LRFN2: variants seen among roughly 807,000 people sequenced by gnomAD.
LRFN2 encodes the protein leucine-rich repeat and fibronectin type-III domain-containing protein 2.
LRFN2 carries 18 observed loss-of-function variants against 37.3 expected under a neutral mutation model. That is an observed-to-expected ratio of 0.48 (90% confidence interval 0.33 to 0.72). The LOEUF (loss-of-function observed/expected upper bound fraction) is 0.72, where lower values mean the gene tolerates loss of function less well. Among genes scored for constraint, LRFN2 ranks in the 30% least tolerant of loss-of-function variants. The probability of loss-of-function intolerance (pLI) is 0.02; values close to 1 mark genes in which losing one functional copy is unlikely to be tolerated. For missense variants in LRFN2, 1,006 were observed against 1,060.7 expected (o/e 0.95, Z 0.72); for synonymous variants, 556 against 466.6 (o/e 1.19, Z -2.47).
At chr6:40,562,829 ACTCACT>A (rs1428823370) in intron 1 of LRFN2, among the ~76,000 whole-genome samples, 6 of 143,226 alleles carry the variant, frequency 4.2e-5, no homozygotes, top group African/African-American at 1.4e-4. Flanking sequence ...ATGTGCGTGC[ACTCACT>A]CACACACACA....
intron 1 of LRFN2, among the ~76,000 whole-genome samples, chr6:40,512,214 T>A (rs141437974): frequency 6.6e-6 from 1 of 152,322 alleles, no homozygotes; most frequent in African/African-American, 2.4e-5. Context: ...TGTTCTTTCC[T>A]GAAAGACCCA....
chr6:40,577,583 C>A, intron 1 of LRFN2, among the ~76,000 whole-genome samples: 1 of 96,146 alleles, frequency 1.0e-5, no homozygotes, highest in Non-Finnish European at 2.1e-5. Context: ...TCCCTCTCCC[C>A]TCCCCCCACC....
At chr6:40,506,255 C>A (rs1178861829) in intron 1 of LRFN2, among the ~76,000 whole-genome samples, 1 of 152,184 alleles carries the variant, frequency 6.6e-6, no homozygotes, top group Admixed American at 6.5e-5. Flanking sequence ...TGGAACCTGG[C>A]AGTCCCACCA....
At position 40,431,899 on chromosome 6, in the gene LRFN2, G is replaced by A; in HGVS notation, c.1215C>T (p.Thr405=). The change falls in exon 2 of 3, where the codon ACC becomes ACT. Residue 405 remains threonine, a synonymous_variant. Coordinates refer to ENST00000338305, the MANE Select transcript of LRFN2 (RefSeq NM_020737.3). ...CCCCACTGCCTCCACCTCCCCGGCTGGTCTTGCTGGAGCCAGTGATGTCTG... is the reference window on the plus strand; with the variant it reads ...CCCCACTGCCTCCACCTCCCCGGCTAGTCTTGCTGGAGCCAGTGATGTCTG... ...RLSDITGSSK[T]SRGGGGSGGG... is the part of the protein sequence containing the mutation. The A allele has an allele frequency of 3.7e-6, 6 of 1,611,432 alleles. No individual in the cohort carries two copies. The highest frequency in any genetic ancestry group is 5.1e-6 in the Non-Finnish European group (6 of 1,178,276).
At chr6:40,524,221 A>T (rs1255120000) in intron 1 of LRFN2, among the ~76,000 whole-genome samples, 1 of 152,192 alleles carries the variant, frequency 6.6e-6, no homozygotes, top group Non-Finnish European at 1.5e-5. Context: ...AACAAAACAC[A>T]TGCAGATTTT....
intron 1 of LRFN2, among the ~76,000 whole-genome samples, chr6:40,564,354 T>G (rs1767051775): frequency 6.6e-6 from 1 of 152,196 alleles, no homozygotes; most frequent in African/African-American, 2.4e-5. Context: ...GCTTTTCTGC[T>G]TCAGCACCTG....
At chr6:40,556,716 G>GACACACACACACACACACACACAC (rs35308131) in intron 1 of LRFN2, among the ~76,000 whole-genome samples, 1 of 120,862 alleles carries the variant, frequency 8.3e-6, no homozygotes. Flanking sequence ...TACCTACATA[G>GACACACACACACACACACACACAC]ACACACACAC....
chr6:40,533,335 T>G (rs1192774034), intron 1 of LRFN2, among the ~76,000 whole-genome samples: 2 of 151,688 alleles, frequency 1.3e-5, no homozygotes, highest in Admixed American at 1.3e-4. Context: ...AAAAAGTATA[T>G]GAGTGGGATG....
intron 1 of LRFN2, among the ~76,000 whole-genome samples, chr6:40,520,859 G>A (rs546213684): frequency 7.5e-4 from 114 of 152,238 alleles, no homozygotes; most frequent in African/African-American, 2.5e-3. Flanking sequence ...TATCACCACC[G>A]AGCACCCTCA....
chr6:40,393,916 G>A (rs1231760969), intron 2 of LRFN2, among the ~76,000 whole-genome samples: 1 of 152,198 alleles, frequency 6.6e-6, no homozygotes, highest in African/African-American at 2.4e-5. Flanking sequence ...CTAAGCAGAA[G>A]AGGACTGGAT....
chr6:40,536,127 C>T (rs1226112480), intron 1 of LRFN2, among the ~76,000 whole-genome samples: 3 of 152,136 alleles, frequency 2.0e-5, no homozygotes, highest in East Asian at 1.9e-4. Context: ...CCCGGAAAGG[C>T]TCAGAGGCTC....
chr6:40,399,812 C>A (rs1184016597), intron 2 of LRFN2, among the ~76,000 whole-genome samples: 1 of 151,816 alleles, frequency 6.6e-6, no homozygotes, highest in East Asian at 1.9e-4. Flanking sequence ...AGGAGATAAC[C>A]CTTACATTGT....
At chr6:40,544,460 T>C (rs7750391) in intron 1 of LRFN2, among the ~76,000 whole-genome samples, 3,193 of 152,308 alleles carry the variant, frequency 0.021, 87 homozygotes, top group African/African-American at 0.07. Context: ...TAAACAGCCA[T>C]GTGTGTGCCT....
chr6:40,521,412 A>G (rs1202452720), intron 1 of LRFN2, among the ~76,000 whole-genome samples: 1 of 152,206 alleles, frequency 6.6e-6, no homozygotes, highest in Non-Finnish European at 1.5e-5. Flanking sequence ...GACAATTTGA[A>G]ACAAAATGTG....
In LRFN2 at chr6:40,495,555, A is replaced by T. The variant is rs112968063; in HGVS notation, c.-18-62424T>A. 5.7e-3 allele frequency among the ~76,000 whole-genome samples: 867 copies of T among 152,178 alleles called. 8 individuals are homozygous for T. The highest frequency in any genetic ancestry group is 0.027 in the Middle Eastern group (8 of 294). The stretch of plus-strand genomic sequence containing the variant: ...TTCTCAAAGCCAAGTTTCAGTCCTC[A>T]TCTTGTCCACTCTCCTCATGGCCAT... On this transcript the variant is annotated intron_variant, in intron 1 of 2. Coordinates refer to ENST00000338305, the MANE Select transcript of LRFN2 (RefSeq NM_020737.3).
At chr6:40,547,796 T>A (rs940920551) in intron 1 of LRFN2, among the ~76,000 whole-genome samples, 5 of 152,172 alleles carry the variant, frequency 3.3e-5, no homozygotes, top group Non-Finnish European at 7.3e-5. Context: ...TCACATATTC[T>A]CTGGGGTCCA....
chr6:40,566,756 A>C (rs10456494), intron 1 of LRFN2, among the ~76,000 whole-genome samples: 1 of 150,584 alleles, frequency 6.6e-6, no homozygotes, highest in Non-Finnish European at 1.5e-5. Context: ...AGAGGGGAGG[A>C]ATAGCATTAG....
At chr6:40,475,361 G>T (rs1250825649) in intron 1 of LRFN2, among the ~76,000 whole-genome samples, 2 of 152,118 alleles carry the variant, frequency 1.3e-5, no homozygotes, top group Non-Finnish European at 2.9e-5. Flanking sequence ...GGCTTGGGAG[G>T]GATTCCACTC....
intron 1 of LRFN2, among the ~76,000 whole-genome samples, chr6:40,478,764 G>C (rs1764762370): frequency 6.6e-6 from 1 of 152,196 alleles, no homozygotes; most frequent in Non-Finnish European, 1.5e-5. Context: ...GTGTATGTGT[G>C]TGTATGCACA....
Sources: allele counts gnomAD v4.1 joint callset (sites outside exome capture counted in the v4.1 genomes callset), GRCh38; gene constraint gnomAD v4.1.1; transcripts MANE v1.5; gene names NCBI Gene and HGNC (gene_info 2026-07-23, HGNC 2026-07-21).